Variants in CCDC25 observed in about 807,000 individuals in gnomAD.
CCDC25 encodes the protein coiled-coil domain containing 25.
A neutral mutation model predicts 35.3 loss-of-function variants in CCDC25; 16 were observed. The ratio of observed to expected loss-of-function variants is 0.45; its 90% CI spans 0.31 to 0.69. CCDC25 has a LOEUF of 0.69. Among genes scored for constraint, CCDC25 ranks in the 30% least tolerant of loss-of-function variants. The pLI is 0.06. For synonymous variants in CCDC25, 79 were observed against 80.3 expected (o/e 0.98, Z 0.09); for missense variants, 179 against 250.7 (o/e 0.71, Z 1.93).
chr8:27,762,569 CAATG>C, intron 2 of CCDC25, 111 bp from the exon 3 acceptor site: 1 of 875,676 alleles, frequency 1.1e-6, no homozygotes, highest in Non-Finnish European at 1.8e-6. Flanking sequence ...CTCTCTCCCT[CAATG>C]AAGAAGAGTA....
chr8:27,749,042 A>C (rs1183729324), intron 5 of CCDC25, among the ~76,000 whole-genome samples: 1 of 152,228 alleles, frequency 6.6e-6, no homozygotes, highest in Non-Finnish European at 1.5e-5. Context: ...TCTCTGGAGA[A>C]GTCCCCTGGC....
Position 27,772,594 on chromosome 8 carries a change from G to C in CCDC25, c.-54C>G. ...CGCGGAGCAGCAGCGCTCAACTCAC[G>C]AAGCTCAGGATACCAGACTCGCGGC... On this transcript the variant is annotated 5_prime_UTR_variant, in exon 1 of 9. Coordinates refer to ENST00000356537, the MANE Select transcript of CCDC25 (RefSeq NM_018246.3). 2.0e-6 allele frequency: 3 copies of C among 1,532,674 alleles called. No homozygotes were observed. The South Asian group carries it at 3.6e-5, about 18-fold the overall frequency. 94.9% of individuals were successfully genotyped at this position (1,532,674 alleles called of 1,614,324 possible).
intron 7 of CCDC25, 90 bp downstream of exon 7, chr8:27,747,987 C>A (rs934783087): frequency 4.7e-6 from 6 of 1,286,478 alleles, no homozygotes; most frequent in African/African-American, 1.5e-5. Flanking sequence ...CCTCCTTCCA[C>A]CAATATATCG....
At chr8:27,738,626 ATT>A (rs1803335257) in intron 8 of CCDC25, among the ~76,000 whole-genome samples, 1 of 143,248 alleles carries the variant, frequency 7.0e-6, no homozygotes, top group Non-Finnish European at 1.5e-5. Context: ...GTGTGTGTGT[ATT>A]TGTTTATTTC....
At chr8:27,748,440 G>A in intron 6 of CCDC25, 55 bp downstream of exon 6, 3 of 1,375,938 alleles carry the variant, frequency 2.2e-6, no homozygotes, top group East Asian at 2.3e-5. Flanking sequence ...AGAAAAGATA[G>A]GATACTCCAT....
intron 7 of CCDC25, 47 bp from the exon 8 acceptor site, chr8:27,740,564 G>A (rs1296267411): frequency 6.5e-7 from 1 of 1,533,498 alleles, no homozygotes; most frequent in Non-Finnish European, 9.0e-7. Flanking sequence ...TGGTGATCCA[G>A]TCAACAAATA....
chr8:27,768,021 A>T (rs527624598), intron 1 of CCDC25, among the ~76,000 whole-genome samples: 1 of 141,740 alleles, frequency 7.1e-6, no homozygotes, highest in Non-Finnish European at 1.5e-5. Context: ...GGGCAATATG[A>T]GGAAACCCTG....
chr8:27,750,693 G>T (rs1456791966), intron 5 of CCDC25, among the ~76,000 whole-genome samples: 2 of 152,206 alleles, frequency 1.3e-5, no homozygotes, highest in Admixed American at 1.3e-4. Context: ...CAGAAGTCCG[G>T]ACTGAACAGT....
intron 8 of CCDC25, among the ~76,000 whole-genome samples, chr8:27,739,218 C>T (rs1341321849): frequency 6.6e-6 from 1 of 152,126 alleles, no homozygotes; most frequent in Non-Finnish European, 1.5e-5. Context: ...TAATGCTATT[C>T]TGGAATTTTT....
At chr8:27,743,730 CA>C (rs1251944203) in intron 7 of CCDC25, among the ~76,000 whole-genome samples, 1 of 152,076 alleles carries the variant, frequency 6.6e-6, no homozygotes, top group Non-Finnish European at 1.5e-5. Flanking sequence ...TCCATCTCTA[CA>C]AAAAATAAAG....
intron 1 of CCDC25, among the ~76,000 whole-genome samples, chr8:27,767,669 G>GAC (rs1787496449): frequency 6.6e-6 from 1 of 152,184 alleles, no homozygotes; most frequent in Admixed American, 6.5e-5. Flanking sequence ...ACATCATTAG[G>GAC]ACACTAATGG....
At position 27,756,912 on chromosome 8, in the gene CCDC25, A is replaced by C. The variant is rs1032552234; in HGVS notation, c.117-142T>G. 9 of 634,920 alleles carry C rather than the reference A, an allele frequency of 1.4e-5. No homozygotes were observed. In the East Asian group the frequency reaches 2.5e-4, roughly 17 times the overall value. The allele number at this position is 634,920 out of a possible 1,614,324, so 39.3% of individuals were successfully genotyped here. A position where few individuals can be genotyped will look rare whatever the true frequency, so the allele number is the denominator to read the frequency against. Reference sequence around the variant, plus strand: ...AAGCATCATGAGGAGTATAAAGCACAGTCACCACCTCCAAAGGGCTCCCCA... The same window carrying C: ...AAGCATCATGAGGAGTATAAAGCACCGTCACCACCTCCAAAGGGCTCCCCA... On this transcript the variant is annotated intron_variant, in intron 3 of 8. Coordinates refer to ENST00000356537, the MANE Select transcript of CCDC25 (RefSeq NM_018246.3).
At chr8:27,760,289 ACT>A (rs1431053754) in intron 3 of CCDC25, among the ~76,000 whole-genome samples, 1 of 152,216 alleles carries the variant, frequency 6.6e-6, no homozygotes, top group Non-Finnish European at 1.5e-5. Flanking sequence ...GCTGTGGTAC[ACT>A]GATTTTCAGG....
At chr8:27,765,312 G>T (rs1425489419) in intron 1 of CCDC25, 61 bp from the exon 2 acceptor site, 1 of 1,306,274 alleles carries the variant, frequency 7.7e-7, no homozygotes, top group Non-Finnish European at 1.0e-6. Context: ...ATTGTTTCAT[G>T]TGAAAAACAA....
At chr8:27,755,124 G>A (rs986895750) in intron 4 of CCDC25, among the ~76,000 whole-genome samples, 3 of 152,086 alleles carry the variant, frequency 2.0e-5, no homozygotes, top group Admixed American at 1.3e-4. Flanking sequence ...CAGAAGGATC[G>A]GTCTAGATCT....
Position 27,772,615 on chromosome 8 carries a change from G to C in CCDC25, c.-75C>G. On this transcript the variant is annotated 5_prime_UTR_variant, in exon 1 of 9. Transcript: ENST00000356537. ...TCACGAAGCTCAGGATACCAGACTC[G>C]CGGCGGCCGCCTGGCCCCCGGAACT... The C allele has an allele frequency of 6.8e-7, 1 of 1,465,702 alleles. No homozygotes were observed. The highest frequency in any genetic ancestry group is 2.5e-5 in the East Asian group (1 of 39,924). The allele number at this position is 1,465,702 out of a possible 1,614,324, so 90.8% of individuals were successfully genotyped here.
At chr8:27,768,050 T>G (rs1021849522) in intron 1 of CCDC25, among the ~76,000 whole-genome samples, 2 of 150,986 alleles carry the variant, frequency 1.3e-5, no homozygotes, top group African/African-American at 4.9e-5. Flanking sequence ...AAAAAAAAAT[T>G]TTTTTAATTA....
Position 27,737,248 on chromosome 8 carries a change from C to T in CCDC25, c.598-1003G>A, listed in dbSNP as rs1020058464. Among the ~76,000 whole-genome samples the T allele has an allele frequency of 6.6e-5, 10 of 152,026 alleles. No individual in the cohort carries two copies. Among genetic ancestry groups the T allele is most frequent in the East Asian group, 3.9e-4 (2 of 5,188 alleles). ...GACTAATGATTGTGTTATATCCAGG[C>T]GCAAAGACTATGATTGCCCCAGAGT... On this transcript the variant is annotated intron_variant, in intron 8 of 8. Coordinates refer to ENST00000356537, the MANE Select transcript of CCDC25 (RefSeq NM_018246.3). The surrounding 1 kb of genome is among the most constrained non-coding windows in gnomAD (Gnocchi z 4.6).
At chr8:27,764,752 C>T (rs1171939382) in intron 2 of CCDC25, among the ~76,000 whole-genome samples, 1 of 152,230 alleles carries the variant, frequency 6.6e-6, no homozygotes, top group Non-Finnish European at 1.5e-5. Context: ...TCCTAACCCA[C>T]TCCTCCACAA....
Sources: gnomAD v4.1 joint callset for allele counts (sites outside exome capture counted in the v4.1 genomes callset) on GRCh38, gnomAD v4.1.1 for gene constraint, Gnocchi (gnomAD v3.1) non-coding constraint, MANE v1.5 for transcripts, NCBI Gene and HGNC (gene_info 2026-07-23, HGNC 2026-07-21) for gene names.